The following FMN1 variants were observed in gnomAD, a reference collection of about 807,000 sequenced individuals.
The protein encoded by FMN1 is formin 1.
FMN1 carries 110 observed loss-of-function variants against 132.4 expected under a neutral mutation model. The observed-to-expected ratio is 0.83, with a 90% CI of 0.71 to 0.97. FMN1 has a LOEUF of 0.97. Among genes scored for constraint, FMN1 ranks in the 50% least tolerant of loss-of-function variants. The pLI, the probability that FMN1 is intolerant of heterozygous loss-of-function variation, is 0.00. For synonymous variants in FMN1, 722 were observed against 651.7 expected (o/e 1.11, Z -1.64); for missense variants, 1,792 against 1,705.3 (o/e 1.05, Z -0.90).
chr15:32,930,563 A>T (rs900512073), intron 9 of FMN1, among the ~76,000 whole-genome samples: 2 of 151,994 alleles, frequency 1.3e-5, no homozygotes, highest in African/African-American at 2.4e-5. Context: ...AAATGTTTGG[A>T]TAAGTCTTTA....
intron 18 of FMN1, among the ~76,000 whole-genome samples, chr15:32,799,596 C>T (rs1248048875): frequency 2.0e-5 from 3 of 152,146 alleles, no homozygotes; most frequent in Non-Finnish European, 2.9e-5. Flanking sequence ...CAGTTGTAGG[C>T]ATAGCAAGTT....
intron 4 of FMN1, among the ~76,000 whole-genome samples, chr15:33,093,327 T>C (rs1391683270): frequency 5.3e-5 from 8 of 152,246 alleles, no homozygotes; most frequent in Admixed American, 5.2e-4. Flanking sequence ...AACTGATATG[T>C]ACAGGTAGAC....
intron 7 of FMN1, among the ~76,000 whole-genome samples, chr15:32,987,643 A>ACC (rs2033154602): frequency 6.6e-6 from 1 of 152,060 alleles, no homozygotes; most frequent in Admixed American, 6.6e-5. Flanking sequence ...GATAAAATAC[A>ACC]CCCCCTTCTC....
intron 15 of FMN1, among the ~76,000 whole-genome samples, chr15:32,890,615 G>A (rs148320510): frequency 3.4e-4 from 51 of 152,206 alleles, no homozygotes; most frequent in African/African-American, 1.1e-3. Context: ...TGATGAGATT[G>A]TTCTTTTCTT....
chr15:32,860,846 C>T (rs2059252144), intron 16 of FMN1: 1 of 152,076 alleles, frequency 6.6e-6, no homozygotes, highest in Admixed American at 6.6e-5. Flanking sequence ...TTAAAGACCC[C>T]CAGAAATGTC....
chr15:33,009,784 C>T (rs2034609022), intron 6 of FMN1, among the ~76,000 whole-genome samples: 1 of 152,188 alleles, frequency 6.6e-6, no homozygotes, highest in East Asian at 1.9e-4. Context: ...AGTAAACATG[C>T]TTCATTTAAT....
chr15:33,143,176 T>G (rs17235763), intron 4 of FMN1, among the ~76,000 whole-genome samples: 4,658 of 152,288 alleles, frequency 0.031, 89 homozygotes, highest in Middle Eastern at 0.044. Flanking sequence ...CATCTCTGAG[T>G]ACATTTAGAT....
chr15:33,091,849 A>C (rs1353435533), intron 4 of FMN1, among the ~76,000 whole-genome samples: 2 of 152,240 alleles, frequency 1.3e-5, no homozygotes, highest in African/African-American at 2.4e-5. Flanking sequence ...ATATTCTGTC[A>C]AAACAGTCAA....
intron 5 of FMN1, among the ~76,000 whole-genome samples, chr15:33,073,979 C>A (rs1010202907): frequency 6.6e-6 from 1 of 152,164 alleles, no homozygotes; most frequent in Non-Finnish European, 1.5e-5. Context: ...AATCTGCCCA[C>A]CTCGGCCCCC....
intron 4 of FMN1, among the ~76,000 whole-genome samples, chr15:33,121,691 G>C (rs1962573600): frequency 1.3e-5 from 2 of 152,032 alleles, no homozygotes; most frequent in African/African-American, 4.8e-5. Flanking sequence ...ACCATGCCCA[G>C]CTTCTTTTTG....
At chr15:33,012,424 G>T in intron 6 of FMN1, 1 of 955,206 alleles carries the variant, frequency 1.0e-6, no homozygotes, top group African/African-American at 1.6e-5. Context: ...CCACTCAACT[G>T]TGAAAAAGAC....
intron 9 of FMN1, among the ~76,000 whole-genome samples, chr15:32,932,890 T>C (rs142283377): frequency 6.4e-4 from 98 of 152,292 alleles, no homozygotes; most frequent in African/African-American, 2.2e-3. Context: ...TTCTCCTTAA[T>C]TTAGCTAATG....
intron 16 of FMN1, among the ~76,000 whole-genome samples, chr15:32,886,866 A>G (rs990781709): frequency 6.6e-6 from 1 of 152,144 alleles, no homozygotes; most frequent in Admixed American, 6.5e-5. Flanking sequence ...AATATTAATC[A>G]AGCTCCTCAA....
rs34305308 is a variant in FMN1, at chr15:33,167,583, TC to T, written c.-131-12539del. On this transcript the variant is annotated intron_variant, in intron 3 of 20. Coordinates refer to ENST00000616417, the MANE Select transcript of FMN1 (RefSeq NM_001277313.2). ...CCAAAGCAGGGGTTGGGGTGCTGAC[TC>T]CCTGCCTGCACAGTCAAAAATGTAT... Among the ~76,000 whole-genome samples, 181 of 152,296 alleles carry T rather than the reference TC, an allele frequency of 1.2e-3. 1 individual carries two copies. The highest frequency in any genetic ancestry group is 4.0e-3 in the African/African-American group (166 of 41,560).
chr15:32,863,464 TAAAC>T (rs1275803415), intron 16 of FMN1, among the ~76,000 whole-genome samples: 1 of 152,064 alleles, frequency 6.6e-6, no homozygotes, highest in East Asian at 1.9e-4. Context: ...ATAAAATAAA[TAAAC>T]ACATCAATTC....
intron 10 of FMN1, among the ~76,000 whole-genome samples, chr15:32,918,006 T>C (rs1004629615): frequency 6.6e-6 from 1 of 152,166 alleles, no homozygotes; most frequent in South Asian, 2.1e-4. Flanking sequence ...TATTGCAACA[T>C]ATGCAATGAA....
intron 2 of FMN1, among the ~76,000 whole-genome samples, chr15:33,188,054 G>T (rs1042787396): frequency 3.3e-5 from 5 of 152,138 alleles, no homozygotes; most frequent in Non-Finnish European, 7.3e-5. Flanking sequence ...GTCAACTTTG[G>T]CCGGGCACGG....
intron 19 of FMN1, among the ~76,000 whole-genome samples, chr15:32,785,483 G>A (rs767595427): frequency 3.3e-5 from 5 of 151,764 alleles, no homozygotes; most frequent in Non-Finnish European, 5.9e-5. Flanking sequence ...TAATTTTAGT[G>A]TTTAAAAATA....
At chr15:32,938,682 T>C (rs2061334381) in intron 9 of FMN1, among the ~76,000 whole-genome samples, 1 of 152,210 alleles carries the variant, frequency 6.6e-6, no homozygotes, top group Non-Finnish European at 1.5e-5. Context: ...TATTTCAGAA[T>C]TGTTTCTTAT....
Sources: gnomAD v4.1 joint callset for allele counts (sites outside exome capture counted in the v4.1 genomes callset) on GRCh38, gnomAD v4.1.1 for gene constraint, MANE v1.5 for transcripts, NCBI Gene and HGNC (gene_info 2026-07-23, HGNC 2026-07-21) for gene names.